DENND2B: variants seen among roughly 807,000 people sequenced by gnomAD.
The protein encoded by DENND2B is DENN domain containing 2B, also known as DENN domain-containing protein 2B.
Under a neutral mutation model 116.0 loss-of-function variants are expected in DENND2B, and 32 were observed. The ratio of observed to expected loss-of-function variants is 0.28; its 90% CI spans 0.21 to 0.37. The LOEUF is 0.37. Among genes scored for constraint, DENND2B ranks in the 10% least tolerant of loss-of-function variants. DENND2B has a pLI of 1.00. For missense variants in DENND2B, 1,276 were observed against 1,477.7 expected (o/e 0.86, Z 2.24); for synonymous variants, 588 against 583.9 (o/e 1.01, Z -0.10).
chr11:8,738,696 A>G (rs565369152), intron 2 of DENND2B, among the ~76,000 whole-genome samples: 5 of 152,206 alleles, frequency 3.3e-5, no homozygotes, highest in African/African-American at 9.6e-5. Context: ...ATCTTCTGAC[A>G]TTTTCCCAAA....
chr11:8,858,048 G>C (rs567262326), intron 2 of DENND2B, among the ~76,000 whole-genome samples: 1 of 152,266 alleles, frequency 6.6e-6, no homozygotes, highest in East Asian at 1.9e-4. Context: ...CAAGATTTCT[G>C]AGCATTTTCT....
At chr11:8,824,181 C>T (rs1309799163) in intron 4 of DENND2B, among the ~76,000 whole-genome samples, 1 of 149,860 alleles carries the variant, frequency 6.7e-6, no homozygotes, top group Admixed American at 6.7e-5. Context: ...GGATTACAGG[C>T]GTGAGCCACC....
rs1322289493 is a variant in DENND2B, at chr11:8,840,217, G to A, written c.-155-867C>T. On this transcript the variant is annotated intron_variant, in intron 3 of 6. Coordinates refer to the DENND2B transcript ENST00000524757. Reference sequence around the variant, plus strand: ...TTCCCCCAGCACAGCCCCTGGAAAGGCAGAAGTAGGTATTCTCTTGGACAA... The same window carrying A: ...TTCCCCCAGCACAGCCCCTGGAAAGACAGAAGTAGGTATTCTCTTGGACAA... 2.6e-4 allele frequency among the ~76,000 whole-genome samples: 40 copies of A among 152,160 alleles called. 1 individual carries two copies. The highest frequency in any genetic ancestry group is 2.6e-3 in the Admixed American group (39 of 15,272).
intron 4 of DENND2B, among the ~76,000 whole-genome samples, chr11:8,720,729 T>G (rs2046012701): frequency 6.6e-6 from 1 of 152,070 alleles, no homozygotes; most frequent in Non-Finnish European, 1.5e-5. Flanking sequence ...TCTCTCCAGG[T>G]GGACAGGGGA....
intron 3 of DENND2B, among the ~76,000 whole-genome samples, chr11:8,855,015 CACATAGT>C (rs1314714249): frequency 2.0e-5 from 3 of 149,580 alleles, no homozygotes; most frequent in African/African-American, 7.4e-5. Context: ...CATAGTGGCC[CACATAGT>C]GGTCCTAGCT....
intron 1 of DENND2B, among the ~76,000 whole-genome samples, chr11:8,898,170 T>C (rs1013148553): frequency 6.6e-6 from 1 of 152,146 alleles, no homozygotes; most frequent in Non-Finnish European, 1.5e-5. Context: ...TACAATCTCT[T>C]CCCAGTTATT....
intron 2 of DENND2B, among the ~76,000 whole-genome samples, chr11:8,867,858 C>T (rs1211501809): frequency 2.0e-5 from 3 of 152,086 alleles, no homozygotes; most frequent in Non-Finnish European, 4.4e-5. Context: ...GCTGGGATTA[C>T]AGGTGTGAGC....
chr11:8,783,416 T>C lies in DENND2B; in HGVS notation c.-26+27101A>G, dbSNP rs1378738672. On this transcript the variant is annotated intron_variant, in intron 1 of 19. Transcript: ENST00000313726. The stretch of plus-strand genomic sequence containing the variant: ...CTATGCAGCATTAAACATTATAGAG[T>C]AGCTCTGTATGTACTGTCTGTGGAA... Among the ~76,000 whole-genome samples, 6 of 152,084 alleles carry C rather than the reference T, an allele frequency of 3.9e-5. No homozygotes were observed. In the East Asian group the frequency reaches 1.2e-3, roughly 29 times the overall value.
chr11:8,729,909 C>G, intron 3 of DENND2B, 41 bp downstream of exon 3: 2 of 1,597,622 alleles, frequency 1.3e-6, no homozygotes, highest in African/African-American at 2.7e-5. Context: ...AAAAGAAAGC[C>G]ACGGTATTCA....
intron 3 of DENND2B, among the ~76,000 whole-genome samples, chr11:8,839,912 A>T (rs2062567054): frequency 6.6e-6 from 1 of 152,184 alleles, no homozygotes; most frequent in Admixed American, 6.5e-5. Context: ...GAATTTCAGG[A>T]GACAGATGAA....
intron 4 of DENND2B, among the ~76,000 whole-genome samples, chr11:8,817,022 A>T (rs1191893691): frequency 6.6e-6 from 1 of 152,142 alleles, no homozygotes; most frequent in African/African-American, 2.4e-5. Context: ...TAGAAGAAAA[A>T]AAATGGAAGA....
intron 6 of DENND2B, 66 bp from the exon 7 acceptor site, chr11:8,714,772 G>A: frequency 7.3e-7 from 1 of 1,362,772 alleles, no homozygotes; most frequent in Non-Finnish European, 1.0e-6. Flanking sequence ...CAAGAAGGCT[G>A]AGTAGGAGCC....
At chr11:8,812,883 C>T (rs1476082890), upstream of DENND2B, among the ~76,000 whole-genome samples, 1 of 152,108 alleles carries the variant, frequency 6.6e-6, no homozygotes, top group African/African-American at 2.4e-5. Flanking sequence ...GACACTGAGG[C>T]TTAAGGAGGA....
At chr11:8,823,384 A>T (rs2061840508) in intron 4 of DENND2B, among the ~76,000 whole-genome samples, 1 of 152,210 alleles carries the variant, frequency 6.6e-6, no homozygotes, top group African/African-American at 2.4e-5. Flanking sequence ...CTAGAAGTTT[A>T]GGCACATCCC....
At chr11:8,715,261 AG>A (rs772935863) in intron 6 of DENND2B, among the ~76,000 whole-genome samples, 2 of 152,206 alleles carry the variant, frequency 1.3e-5, no homozygotes, top group Non-Finnish European at 2.9e-5. Flanking sequence ...TGAGAGTTAT[AG>A]GAAGAACCCT....
chr11:8,910,496 C>G (rs1337776751), intron 1 of DENND2B, among the ~76,000 whole-genome samples: 1 of 151,990 alleles, frequency 6.6e-6, no homozygotes, highest in Non-Finnish European at 1.5e-5. Context: ...CGGGTTCAAG[C>G]GATCCTCCCA....
At chr11:8,739,434 G>A (rs533509899) in intron 2 of DENND2B, among the ~76,000 whole-genome samples, 2 of 152,370 alleles carry the variant, frequency 1.3e-5, no homozygotes, top group Middle Eastern at 3.4e-3. Context: ...CACACCAGCT[G>A]TGTGGCTAAG....
At chr11:8,812,372 C>G (rs1195545828), upstream of DENND2B, among the ~76,000 whole-genome samples, 1 of 152,132 alleles carries the variant, frequency 6.6e-6, no homozygotes, top group Non-Finnish European at 1.5e-5. Context: ...AAAGCCCTAC[C>G]CTACAGCTAT....
In DENND2B at chr11:8,757,204, A is replaced by G. The variant is rs985725924; in HGVS notation, c.-25-6479T>C. ...AGTGTCAAAGACTCACTTTGTCACT[A>G]TAACAGCCATAATAGCAATATGACC... On this transcript the variant is annotated intron_variant, in intron 1 of 19. Transcript: ENST00000313726. The G allele has an allele frequency of 4.1e-5, 17 of 412,732 alleles. No individual in the cohort carries two copies. In the East Asian group the frequency reaches 5.1e-4, roughly 12 times the overall value. The allele number at this position is 412,732 out of a possible 1,614,324, so 25.6% of individuals were successfully genotyped here. A position where few individuals can be genotyped will look rare whatever the true frequency, so the allele number is the denominator to read the frequency against.
Sources: gnomAD v4.1 joint callset for allele counts (sites outside exome capture counted in the v4.1 genomes callset) on GRCh38, gnomAD v4.1.1 for gene constraint, MANE v1.5 for transcripts, NCBI Gene and HGNC (gene_info 2026-07-23, HGNC 2026-07-21) for gene names.